Variants in NRXN1 observed in about 807,000 individuals in gnomAD.
NRXN1 encodes neurexin-1.
A neutral mutation model predicts 150.9 loss-of-function variants in NRXN1; 39 were observed. The observed-to-expected ratio is 0.26, with a 90% confidence interval of 0.20 to 0.34. NRXN1 has a LOEUF of 0.34. Ranked by LOEUF, NRXN1 falls within the 10% of genes least tolerant of loss-of-function variation. The probability of loss-of-function intolerance (pLI) is 1.00; values close to 1 mark genes in which losing one functional copy is unlikely to be tolerated. For synonymous variants in NRXN1, 924 were observed against 757.0 expected (o/e 1.22, Z -3.62); for missense variants, 1,815 against 1,949.9 (o/e 0.93, Z 1.30).
At chr2:50,480,206 T>C (rs867817055) in intron 15 of NRXN1, among the ~76,000 whole-genome samples, 16 of 152,194 alleles carry the variant, frequency 1.1e-4, no homozygotes, top group African/African-American at 3.9e-4. Context: ...AACTGACACA[T>C]ACTGAATTTA....
chr2:50,105,572 C>T (rs1036110816), intron 18 of NRXN1, among the ~76,000 whole-genome samples: 1 of 151,966 alleles, frequency 6.6e-6, no homozygotes, highest in Admixed American at 6.6e-5. Flanking sequence ...AGATGTGCCT[C>T]AAGCTTCCAA....
At chr2:51,031,537 A>T (rs1671551049) in intron 1 of NRXN1, among the ~76,000 whole-genome samples, 1 of 152,050 alleles carries the variant, frequency 6.6e-6, no homozygotes, top group Non-Finnish European at 1.5e-5. Flanking sequence ...GTCTCTCAAT[A>T]CCAATGCACA....
intron 9 of NRXN1, among the ~76,000 whole-genome samples, chr2:50,544,315 A>T (rs923056803): frequency 6.4e-4 from 97 of 152,204 alleles, no homozygotes; most frequent in East Asian, 1.7e-3. Context: ...AATTTTAAAA[A>T]AGAACCAACA....
chr2:50,623,956 C>T (rs938304776), intron 5 of NRXN1, among the ~76,000 whole-genome samples: 2 of 152,042 alleles, frequency 1.3e-5, no homozygotes, highest in South Asian at 2.1e-4. Context: ...CAACAGTCCC[C>T]GGTGTGTGTG....
At chr2:50,657,647 AACT>A (rs1686687884) in intron 5 of NRXN1, among the ~76,000 whole-genome samples, 1 of 152,052 alleles carries the variant, frequency 6.6e-6, no homozygotes, top group Non-Finnish European at 1.5e-5. Context: ...GCTTCTCATT[AACT>A]AAGGCACAGC....
chr2:50,431,747 C>T (rs1454563997), intron 17 of NRXN1, among the ~76,000 whole-genome samples: 1 of 152,178 alleles, frequency 6.6e-6, no homozygotes, highest in Non-Finnish European at 1.5e-5. Context: ...GCAACAGAGG[C>T]TGTATGATCT....
At chr2:50,362,202 C>A (rs2079261905) in intron 17 of NRXN1, among the ~76,000 whole-genome samples, 1 of 152,132 alleles carries the variant, frequency 6.6e-6, no homozygotes. Flanking sequence ...GACAAGGATG[C>A]CCTCTATCAC....
At chr2:50,944,694 A>G (rs1195797179) in intron 2 of NRXN1, among the ~76,000 whole-genome samples, 1 of 152,196 alleles carries the variant, frequency 6.6e-6, no homozygotes, top group East Asian at 1.9e-4. Context: ...AAAATGGTGC[A>G]GTATAATTAG....
At chr2:50,543,337 T>A (rs1412584204) in intron 9 of NRXN1, among the ~76,000 whole-genome samples, 1 of 152,114 alleles carries the variant, frequency 6.6e-6, no homozygotes, top group African/African-American at 2.4e-5. Context: ...TTTGAGAAAT[T>A]ATCTAGATCA....
At chr2:50,768,527 G>T (rs186149645) in intron 5 of NRXN1, among the ~76,000 whole-genome samples, 2 of 151,286 alleles carry the variant, frequency 1.3e-5, no homozygotes, top group South Asian at 2.1e-4. Context: ...GGCTGGTCCT[G>T]AACTCCTGAG....
chr2:50,385,198 T>TTTCCCACTTTAAAA (rs1418999162), intron 17 of NRXN1, among the ~76,000 whole-genome samples: 1 of 152,232 alleles, frequency 6.6e-6, no homozygotes. Flanking sequence ...GGGATTGTTT[T>TTTCCCACTTTAAAA]ATGCTGAAGT....
chr2:50,657,210 C>A (rs979620210), intron 5 of NRXN1, among the ~76,000 whole-genome samples: 3 of 151,942 alleles, frequency 2.0e-5, no homozygotes, highest in Non-Finnish European at 2.9e-5. Flanking sequence ...ATCCATCTCC[C>A]CATTGACTCT....
chr2:51,030,167 T>A (rs1379966442), intron 1 of NRXN1, among the ~76,000 whole-genome samples: 1 of 152,132 alleles, frequency 6.6e-6, no homozygotes, highest in Non-Finnish European at 1.5e-5. Context: ...TGAAAAAAAT[T>A]ACAAATGTAT....
intron 17 of NRXN1, among the ~76,000 whole-genome samples, chr2:50,446,559 T>TCCC: frequency 7.7e-6 from 1 of 129,866 alleles, no homozygotes; most frequent in African/African-American, 3.1e-5. Context: ...TCCCTCCTTC[T>TCCC]TTCCTTCCTT....
intron 5 of NRXN1, among the ~76,000 whole-genome samples, chr2:50,649,416 T>A (rs1468548247): frequency 6.6e-6 from 1 of 151,968 alleles, no homozygotes; most frequent in Non-Finnish European, 1.5e-5. Flanking sequence ...TTCCTCTCCT[T>A]GTGGAGAAAA....
intron 5 of NRXN1, among the ~76,000 whole-genome samples, chr2:50,634,151 A>G (rs1458535705): frequency 2.0e-5 from 3 of 152,214 alleles, no homozygotes; most frequent in African/African-American, 7.2e-5. Context: ...TATTCGATGC[A>G]CAATGGGAAG....
chr2:50,831,832 C>G (rs1671446950), intron 5 of NRXN1, among the ~76,000 whole-genome samples: 1 of 152,124 alleles, frequency 6.6e-6, no homozygotes, highest in African/African-American at 2.4e-5. Flanking sequence ...GTACTTTTCC[C>G]AAGAGCAGGA....
intron 5 of NRXN1, among the ~76,000 whole-genome samples, chr2:50,793,637 G>C (rs1373248671): frequency 6.6e-6 from 1 of 152,084 alleles, no homozygotes; most frequent in Non-Finnish European, 1.5e-5. Context: ...CAGCTGAAGA[G>C]ATGTTTCTTC....
At chr2:50,050,048 A>G (rs1193547586) in intron 21 of NRXN1, among the ~76,000 whole-genome samples, 1 of 152,028 alleles carries the variant, frequency 6.6e-6, no homozygotes, top group Non-Finnish European at 1.5e-5. Context: ...ATTAAAAAGG[A>G]ACAATTCGAT....
Sources: gnomAD v4.1 joint callset for allele counts (sites outside exome capture counted in the v4.1 genomes callset) on GRCh38, gnomAD v4.1.1 for gene constraint, MANE v1.5 for transcripts, NCBI Gene and HGNC (gene_info 2026-07-23, HGNC 2026-07-21) for gene names.